CYSLTR1: variants seen among roughly 807,000 people sequenced by gnomAD.
CYSLTR1 encodes cysteinyl leukotriene receptor 1.
A neutral mutation model predicts 2.1 loss-of-function variants in CYSLTR1; 1 was observed. The ratio of observed to expected loss-of-function variants is 0.48; its 90% CI spans 0.17 to 2.28. The LOEUF (loss-of-function observed/expected upper bound fraction) is 2.28. Ranked by LOEUF, CYSLTR1 falls within the 30% of genes most tolerant of loss-of-function variation. CYSLTR1 has a pLI of 0.26. For synonymous variants in CYSLTR1, 110 were observed against 89.6 expected, an observed-to-expected ratio of 1.23 and a Z score of -1.28; for missense variants, 299 against 250.1, an observed-to-expected ratio of 1.20 and a Z score of -1.32.
At chrX:78,303,670 G>A (rs1340712349) in intron 1 of CYSLTR1, among the ~76,000 whole-genome samples, 1 of 111,682 alleles carries the variant, frequency 9.0e-6, no homozygotes, top group Non-Finnish European at 1.9e-5. Context: ...TCCATTTTCT[G>A]TATGATTTAA....
At position 78,275,489 on chromosome X, in the gene CYSLTR1, C is replaced by G. The variant is rs1018519019; in HGVS notation, c.-27-1716G>C. 2.4e-4 allele frequency among the ~76,000 whole-genome samples: 26 copies of G among 108,929 alleles called. 1 individual carries two copies. The highest frequency in any genetic ancestry group is 8.7e-4 in the African/African-American group (26 of 29,819). The allele number at this position is 108,929 out of a possible 115,157, so 94.6% of individuals were successfully genotyped here. A position where few individuals can be genotyped will look rare whatever the true frequency, so the allele number is the denominator to read the frequency against. ...TAAACTATTGCAACTGGAACAAAAA[C>G]CAAACACCGCATGTTCTCACTCATA... On this transcript the variant is annotated intron_variant, in intron 2 of 2. Coordinates refer to ENST00000373304, the MANE Select transcript of CYSLTR1 (RefSeq NM_006639.4).
At chrX:78,316,885 A>G (rs1241792758) in intron 1 of CYSLTR1, among the ~76,000 whole-genome samples, 6 of 112,058 alleles carry the variant, frequency 5.4e-5, no homozygotes. Flanking sequence ...TAAAAACTCT[A>G]AAAAATAACA....
chrX:78,311,136 C>A (rs1317189506), intron 1 of CYSLTR1, among the ~76,000 whole-genome samples: 2 of 110,659 alleles, frequency 1.8e-5, no homozygotes, highest in Non-Finnish European at 3.8e-5. Flanking sequence ...GTTTAATTTT[C>A]TTGATAAAAT....
At chrX:78,296,584 T>G (rs1014340197) in intron 1 of CYSLTR1, among the ~76,000 whole-genome samples, 15 of 111,924 alleles carry the variant, frequency 1.3e-4, no homozygotes, top group Non-Finnish European at 2.4e-4. Flanking sequence ...CACCAGTATC[T>G]TATAGTTTTC....
intron 1 of CYSLTR1, among the ~76,000 whole-genome samples, chrX:78,288,189 T>C (rs1922151065): frequency 9.1e-6 from 1 of 110,377 alleles, no homozygotes; most frequent in Non-Finnish European, 1.9e-5. Flanking sequence ...GGTGACAGAC[T>C]GAGACCTTGT....
intron 2 of CYSLTR1, among the ~76,000 whole-genome samples, chrX:78,281,269 A>ATTT (rs199904181): frequency 1.0e-5 from 1 of 97,797 alleles, no homozygotes. Context: ...TTATGTTTTA[A>ATTT]TTTTTTTTTT....
chrX:78,321,933 A>G (rs1276917807), intron 1 of CYSLTR1, among the ~76,000 whole-genome samples: 1 of 111,412 alleles, frequency 9.0e-6, no homozygotes, highest in South Asian at 3.8e-4. Flanking sequence ...TTACCTTTCT[A>G]GTAAATGCTA....
At chrX:78,274,623 A>G (rs986436396) in intron 2 of CYSLTR1, among the ~76,000 whole-genome samples, 9 of 111,031 alleles carry the variant, frequency 8.1e-5, no homozygotes, top group Non-Finnish European at 1.3e-4. Context: ...AACCATAAAA[A>G]CCCTAGAAGA....
chrX:78,313,342 GA>G (rs1212514594), intron 1 of CYSLTR1, among the ~76,000 whole-genome samples: 2 of 110,956 alleles, frequency 1.8e-5, no homozygotes, highest in Non-Finnish European at 3.8e-5. Context: ...GGCATGGGCT[GA>G]AAAAATACCT....
intron 1 of CYSLTR1, among the ~76,000 whole-genome samples, chrX:78,324,730 G>T (rs1277358529): frequency 2.7e-5 from 3 of 111,954 alleles, no homozygotes; most frequent in Admixed American, 1.9e-4. Context: ...CTTTTGTAGG[G>T]TTGACTAATA....
intron 1 of CYSLTR1, chrX:78,321,794 T>C (rs1179907110): frequency 9.0e-6 from 1 of 111,099 alleles, no homozygotes; most frequent in African/African-American, 3.3e-5. Context: ...AGGATGTGTT[T>C]GATTATAGGG....
chrX:78,305,135 C>A (rs1200609283), intron 1 of CYSLTR1, among the ~76,000 whole-genome samples: 1 of 111,693 alleles, frequency 9.0e-6, no homozygotes, highest in Non-Finnish European at 1.9e-5. Context: ...CTTTGATTCC[C>A]AGGAAAGTAT....
In CYSLTR1 at chrX:78,301,118, C is replaced by T. The variant is rs182197859; in HGVS notation, c.-114-17578G>A. Among the ~76,000 whole-genome samples the T allele has an allele frequency of 3.7e-3, 417 of 112,144 alleles. 1 individual carries two copies. The highest frequency in any genetic ancestry group is 0.013 in the African/African-American group (400 of 30,949). On this transcript the variant is annotated intron_variant, in intron 1 of 2. Coordinates refer to ENST00000373304, the MANE Select transcript of CYSLTR1 (RefSeq NM_006639.4). ...CTTCACAAAGCAGGGGTTCCTGGGC[C>T]TGGCCCATGAAACCATTTTTTCCTC... is the stretch of plus-strand genomic sequence containing the variant.
chrX:78,291,571 A>C (rs1922328982), intron 1 of CYSLTR1, among the ~76,000 whole-genome samples: 1 of 111,273 alleles, frequency 9.0e-6, no homozygotes, highest in African/African-American at 3.3e-5. Context: ...GGTAGAATTC[A>C]GTTGTGAATC....
At chrX:78,304,378 G>A (rs143469026) in intron 1 of CYSLTR1, among the ~76,000 whole-genome samples, 1,323 of 111,017 alleles carry the variant, frequency 0.012, 10 homozygotes, top group Non-Finnish European at 0.019. Flanking sequence ...AGTCCATCCT[G>A]CTTGATCGTA....
At position 78,289,434 on chromosome X, in the gene CYSLTR1, G is replaced by A. The variant is rs1293804217; in HGVS notation, c.-114-5894C>T. On this transcript the variant is annotated intron_variant, in intron 1 of 2. Transcript: ENST00000373304. ...TGCCACAATAAACATATGTGTGCAT[G>A]TGTCTTTATAGTAGAATGATTTATA... 2.7e-5 allele frequency among the ~76,000 whole-genome samples: 3 copies of A among 112,236 alleles called. No individual in the cohort carries two copies. The East Asian group carries it at 8.3e-4, about 31-fold the overall frequency.
At position 78,271,797 on chromosome X, in the gene CYSLTR1, GA is replaced by G. The variant is rs1921272241; in HGVS notation, c.*935del. The G allele has an allele frequency of 8.9e-6, 1 of 112,298 alleles. No homozygotes were observed. Among genetic ancestry groups the G allele is most frequent in the African/African-American group, 3.2e-5 (1 of 30,931 alleles). The allele number at this position is 112,298 out of a possible 1,213,427, so 9.3% of individuals were successfully genotyped here. ...ACATAAATGTATGCACTTCTTAAAA[GA>G]ATTTGTAATGTGAACATTCACAATT... On this transcript the variant is annotated 3_prime_UTR_variant, in exon 3 of 3. Coordinates refer to ENST00000373304, the MANE Select transcript of CYSLTR1 (RefSeq NM_006639.4).
At chrX:78,292,669 A>G (rs2147260027) in intron 1 of CYSLTR1, among the ~76,000 whole-genome samples, 1 of 111,777 alleles carries the variant, frequency 8.9e-6, no homozygotes, top group South Asian at 3.7e-4. Context: ...GGAGGCATAT[A>G]TATTTAGGAT....
intron 2 of CYSLTR1, among the ~76,000 whole-genome samples, chrX:78,275,530 A>G (rs967307736): frequency 7.8e-5 from 8 of 102,716 alleles, no homozygotes; most frequent in Non-Finnish European, 1.2e-4. Flanking sequence ...GAATTGAACA[A>G]TGAGAACACA....
Sources: gnomAD v4.1 joint callset for allele counts (sites outside exome capture counted in the v4.1 genomes callset) on GRCh38, gnomAD v4.1.1 for gene constraint, MANE v1.5 for transcripts, NCBI Gene and HGNC (gene_info 2026-07-23, HGNC 2026-07-21) for gene names.